The following MYL3 variants were observed in gnomAD, a reference collection of about 807,000 sequenced individuals.
MYL3 encodes the protein myosin light chain 3, also known as CMLC1.
A neutral mutation model predicts 21.3 loss-of-function variants in MYL3; 11 were observed. The observed-to-expected ratio is 0.52, with a 90% CI of 0.32 to 0.85. MYL3 has a LOEUF of 0.85. Ranked by LOEUF, MYL3 falls within the 40% of genes least tolerant of loss-of-function variation. The probability of loss-of-function intolerance (pLI) is 0.03; values close to 1 mark genes in which losing one functional copy is unlikely to be tolerated. For missense variants in MYL3, 206 were observed against 253.3 expected, an observed-to-expected ratio of 0.81 and a Z score of 1.27; for synonymous variants, 88 against 91.6, an observed-to-expected ratio of 0.96 and a Z score of 0.22.
chr3:46,869,812 A>G (rs1702089574), intron 1 of MYL3, among the ~76,000 whole-genome samples: 1 of 152,188 alleles, frequency 6.6e-6, no homozygotes, highest in African/African-American at 2.4e-5. Flanking sequence ...TCAAAAATGC[A>G]AGTAAATTTA....
rs372359451 is a variant in MYL3 at position 46,875,656 on chromosome 3, T to C, written c.-218+6418A>G. On this transcript the variant is annotated intron_variant, in intron 1 of 3. Coordinates refer to the MYL3 transcript ENST00000431168. ...ACAATGTGCATGGGGCAAGAACTGT[T>C]ACGACGCTGCAAATACCTGGAAACT... Among the ~76,000 whole-genome samples, 4 of 152,216 alleles carry C rather than the reference T, an allele frequency of 2.6e-5. No homozygotes were observed. In the East Asian group the frequency reaches 7.7e-4, roughly 29 times the overall value.
In MYL3 at chr3:46,860,879, T is replaced by G; in HGVS notation, c.158-54A>C. ...CACTCCCAGGGTCAGCCTACCCCACTCCCCACACCCCTGGCAGGACCCTCA... is the reference window on the plus strand; with the variant it reads ...CACTCCCAGGGTCAGCCTACCCCACGCCCCACACCCCTGGCAGGACCCTCA... On this transcript the variant is annotated intron_variant, in intron 2 of 6. Coordinates refer to ENST00000292327, the MANE Select transcript of MYL3 (RefSeq NM_000258.3). The surrounding 1 kb of genome is among the most constrained non-coding windows in gnomAD (Gnocchi z 4.6). The G allele has an allele frequency of 6.2e-7, 1 of 1,613,620 alleles. No individual in the cohort carries two copies. Among genetic ancestry groups the G allele is most frequent in the Non-Finnish European group, 8.5e-7 (1 of 1,179,864 alleles).
In MYL3 at chr3:46,860,612, G is replaced by A. The variant is rs193217136; in HGVS notation, c.307+64C>T. The A allele has an allele frequency of 6.1e-5, 97 of 1,598,240 alleles. No individual in the cohort carries two copies. The East Asian group carries it at 2.1e-3, about 35-fold the overall frequency. On this transcript the variant is annotated intron_variant, in intron 3 of 6. Coordinates refer to ENST00000292327, the MANE Select transcript of MYL3 (RefSeq NM_000258.3). This position sits in a 1 kb window ranked among gnomAD's most constrained non-coding sequence, Gnocchi z 4.6. ...TCTCGTGCTATCCCGCAGGATGGAT[G>A]GCAGCCCACCCAGCCAGTCTCCCCG...
chr3:46,870,266 C>CAAGGA (rs1702096496), intron 1 of MYL3, among the ~76,000 whole-genome samples: 1 of 151,978 alleles, frequency 6.6e-6, no homozygotes, highest in Non-Finnish European at 1.5e-5. Context: ...GAAGTGGGCA[C>CAAGGA]CAGACCAGGA....
chr3:46,863,136 T>G (rs918360580), intron 1 of MYL3, 126 bp downstream of exon 1: 5 of 1,432,732 alleles, frequency 3.5e-6, no homozygotes, highest in Non-Finnish European at 4.9e-6. Flanking sequence ...GTCTGACCTC[T>G]GCACAGAAGC....
At chr3:46,863,446 G>A, upstream of MYL3, 3 of 1,599,256 alleles carry the variant, frequency 1.9e-6, no homozygotes, top group African/African-American at 2.7e-5. Context: ...AAGCAGGGTA[G>A]GTGAGCCGCC....
chr3:46,872,269 A>G (rs2029959141), intron 1 of MYL3, among the ~76,000 whole-genome samples: 1 of 152,182 alleles, frequency 6.6e-6, no homozygotes, highest in Admixed American at 6.5e-5. Context: ...GGCTCATCCA[A>G]GGCTGCAGAT....
chr3:46,870,466 C>T (rs1044144916), intron 1 of MYL3, among the ~76,000 whole-genome samples: 3 of 148,964 alleles, frequency 2.0e-5, no homozygotes, highest in Non-Finnish European at 4.5e-5. Flanking sequence ...GCAGACCCCA[C>T]CTAGCCATGG....
chr3:46,873,472 G>T (rs980519661), intron 1 of MYL3, among the ~76,000 whole-genome samples: 2 of 152,186 alleles, frequency 1.3e-5, no homozygotes, highest in Non-Finnish European at 2.9e-5. Context: ...TCCTCTGTTT[G>T]CGAGGTCATC....
At chr3:46,875,871 G>A (rs1043279397) in intron 1 of MYL3, among the ~76,000 whole-genome samples, 4 of 152,200 alleles carry the variant, frequency 2.6e-5, no homozygotes, top group South Asian at 2.1e-4. Context: ...GGAGGGGGCC[G>A]GGCCCGAGTA....
chr3:46,871,842 G>C (rs1439571090), intron 1 of MYL3, among the ~76,000 whole-genome samples: 7 of 152,224 alleles, frequency 4.6e-5, no homozygotes, highest in African/African-American at 7.2e-5. Context: ...CAAAGGTCTG[G>C]AGCTCGGTTG....
upstream of MYL3, among the ~76,000 whole-genome samples, chr3:46,867,007 T>G (rs1001413986): frequency 2.6e-5 from 4 of 151,608 alleles, no homozygotes; most frequent in African/African-American, 4.9e-5. Flanking sequence ...AGACCCCAGA[T>G]CAGGAAACCG....
intron 1 of MYL3, among the ~76,000 whole-genome samples, chr3:46,871,813 G>A (rs773462775): frequency 6.6e-6 from 1 of 152,248 alleles, no homozygotes; most frequent in African/African-American, 2.4e-5. Flanking sequence ...CCAGGGCTGA[G>A]GTAAATACCT....
Position 46,879,136 on chromosome 3 carries a change from G to A in MYL3, c.-218+2938C>T, listed in dbSNP as rs1204612656. Among the ~76,000 whole-genome samples the A allele has an allele frequency of 6.6e-6, 1 of 152,184 alleles. No homozygotes were observed. The highest frequency in any genetic ancestry group is 1.5e-5 in the Non-Finnish European group (1 of 68,042). On this transcript the variant is annotated intron_variant, in intron 1 of 3. Coordinates refer to the MYL3 transcript ENST00000431168. This position sits in a 1 kb window ranked among gnomAD's most constrained non-coding sequence, Gnocchi z 4.7. ...GTGGCCCCACCCACAGCTGTGGAATGTCCAGCAGGGGACTCTGGGGTGAGG... is the reference window on the plus strand; with the variant it reads ...GTGGCCCCACCCACAGCTGTGGAATATCCAGCAGGGGACTCTGGGGTGAGG...
chr3:46,875,123 G>C (rs898165162), intron 1 of MYL3, among the ~76,000 whole-genome samples: 7 of 152,218 alleles, frequency 4.6e-5, no homozygotes, highest in Non-Finnish European at 8.8e-5. Context: ...CCAAGCCACA[G>C]TTCTTCCCAT....
Position 46,860,433 on chromosome 3 carries a change from C to T in MYL3, c.307+243G>A, listed in dbSNP as rs1323561057. ...CTGTCACTGCCCGACCTTCTCACTT[C>T]TCCATAGGTGTCAGCGCCTACCACC... On this transcript the variant is annotated intron_variant, in intron 3 of 6. Coordinates refer to ENST00000292327, the MANE Select transcript of MYL3 (RefSeq NM_000258.3). The surrounding 1 kb of genome is among the most constrained non-coding windows in gnomAD (Gnocchi z 4.6). Among the ~76,000 whole-genome samples the T allele has an allele frequency of 2.0e-5, 3 of 152,252 alleles. No individual in the cohort carries two copies. The highest frequency in any genetic ancestry group is 7.2e-5 in the African/African-American group (3 of 41,458).
chr3:46,867,784 G>A (rs1015632328), upstream of MYL3, among the ~76,000 whole-genome samples: 12 of 152,348 alleles, frequency 7.9e-5, no homozygotes, highest in African/African-American at 2.2e-4. Flanking sequence ...AAATGTTGCC[G>A]CGCAGCAGGT....
At chr3:46,858,178 G>T in intron 6 of MYL3, 53 bp downstream of exon 6, 1 of 1,582,290 alleles carries the variant, frequency 6.3e-7, no homozygotes, top group Non-Finnish European at 8.7e-7. Flanking sequence ...CACTGCAGCT[G>T]GTGGAGTGTG....
intron 1 of MYL3, among the ~76,000 whole-genome samples, chr3:46,871,105 C>T (rs1266959904): frequency 6.6e-6 from 1 of 152,192 alleles, no homozygotes; most frequent in East Asian, 1.9e-4. Context: ...CCCACATACA[C>T]CTAATGCACC....
Sources: gnomAD v4.1 joint callset for allele counts (sites outside exome capture counted in the v4.1 genomes callset) on GRCh38, gnomAD v4.1.1 for gene constraint, Gnocchi (gnomAD v3.1) non-coding constraint, MANE v1.5 for transcripts, NCBI Gene and HGNC (gene_info 2026-07-23, HGNC 2026-07-21) for gene names.